NUDCD1: variants seen among roughly 807,000 people sequenced by gnomAD.
NUDCD1 encodes NudC domain containing 1.
Under a neutral mutation model 67.8 loss-of-function variants are expected in NUDCD1, and 60 were observed. That is an observed-to-expected ratio of 0.88 (90% confidence interval 0.72 to 1.10). The LOEUF (loss-of-function observed/expected upper bound fraction) is 1.10. NUDCD1 is among the 50% of genes least tolerant of loss of function. NUDCD1 has a pLI of 0.00. For synonymous variants in NUDCD1, 244 were observed against 230.8 expected (o/e 1.06, Z -0.52); for missense variants, 643 against 695.0 (o/e 0.93, Z 0.84).
chr8:109,280,890 G>T (rs749745480), intron 6 of NUDCD1, 78 bp downstream of exon 6: 23 of 650,214 alleles, frequency 3.5e-5, no homozygotes, highest in Non-Finnish European at 5.0e-5. Context: ...ATTAATCTCT[G>T]ATGTAACCAC....
At position 109,322,333 on chromosome 8, in the gene NUDCD1, T is replaced by A; in HGVS notation, c.249A>T (p.Arg83Ser). The change falls in exon 2 of 10, where the codon AGA becomes AGT. Residue 83 changes from arginine to serine, a missense_variant. Coordinates refer to ENST00000239690, the MANE Select transcript of NUDCD1 (RefSeq NM_032869.4). ...CCAGCATTACTGTTAAATTCATAAT[T>A]CTTCCAAGGGTATCAATATAGTAGA... ...DSVYYIDTLG[R>S]IMNLTVMLDT... is the part of the protein sequence containing the mutation. The A allele has an allele frequency of 6.5e-7, 1 of 1,548,432 alleles. No homozygotes were observed. The highest frequency in any genetic ancestry group is 1.2e-5 in the South Asian group (1 of 86,588).
chr8:109,303,311 T>C (rs916599522), intron 2 of NUDCD1, among the ~76,000 whole-genome samples: 9 of 152,172 alleles, frequency 5.9e-5, no homozygotes, highest in Admixed American at 5.2e-4. Context: ...CTTGGAAGCC[T>C]ACAGGACCAT....
chr8:109,268,694 T>C (rs1169579501), intron 8 of NUDCD1, among the ~76,000 whole-genome samples: 2 of 152,156 alleles, frequency 1.3e-5, no homozygotes, highest in Non-Finnish European at 2.9e-5. Context: ...CACCTAAAAC[T>C]ATAACGTTAA....
At chr8:109,286,157 T>C (rs1411192931) in intron 5 of NUDCD1, among the ~76,000 whole-genome samples, 2 of 151,984 alleles carry the variant, frequency 1.3e-5, no homozygotes, top group African/African-American at 2.4e-5. Flanking sequence ...AAATAACAGA[T>C]GACAGACAAC....
chr8:109,291,681 A>C (rs902068787), intron 4 of NUDCD1, among the ~76,000 whole-genome samples: 1 of 152,206 alleles, frequency 6.6e-6, no homozygotes, highest in Non-Finnish European at 1.5e-5. Flanking sequence ...AGATAAAGGG[A>C]ACAATAAAGA....
Position 109,296,321 on chromosome 8 carries a change from A to G in NUDCD1, c.459+63T>C, listed in dbSNP as rs543945813. 1,002 of 1,282,378 alleles carry G rather than the reference A, an allele frequency of 7.8e-4. 1 individual carries two copies. The highest frequency in any genetic ancestry group is 9.7e-4 in the Non-Finnish European group (870 of 894,064). The allele number at this position is 1,282,378 out of a possible 1,614,324, so 79.4% of individuals were successfully genotyped here. ...CATCCTTGAAAAGTGTCATTTTAAA[A>G]TAAGTAGGGTGTAATTTACATATAC... On this transcript the variant is annotated intron_variant, in intron 3 of 9. Coordinates refer to ENST00000239690, the MANE Select transcript of NUDCD1 (RefSeq NM_032869.4).
At chr8:109,322,167 A>C in intron 2 of NUDCD1, 142 bp downstream of exon 2, 1 of 443,276 alleles carries the variant, frequency 2.3e-6, no homozygotes, top group Non-Finnish European at 4.1e-6. Context: ...TAAGAAATGG[A>C]GTATTACGTA....
At chr8:109,276,319 T>G (rs1586270576) in intron 6 of NUDCD1, among the ~76,000 whole-genome samples, 1 of 152,156 alleles carries the variant, frequency 6.6e-6, no homozygotes, top group African/African-American at 2.4e-5. Context: ...TAAGATGCTT[T>G]GGGAGCACCC....
chr8:109,256,978 A>G (rs1246976549), intron 8 of NUDCD1, among the ~76,000 whole-genome samples: 4 of 150,000 alleles, frequency 2.7e-5, no homozygotes, highest in Admixed American at 6.7e-5. Context: ...CATGATAAAG[A>G]AAAAAAAAAC....
chr8:109,296,048 T>C (rs1249519925), intron 3 of NUDCD1, among the ~76,000 whole-genome samples: 1 of 151,980 alleles, frequency 6.6e-6, no homozygotes, highest in African/African-American at 2.4e-5. Context: ...GAGGAGAAAA[T>C]CATCCTAACA....
chr8:109,299,629 G>A (rs1008738242), intron 2 of NUDCD1, among the ~76,000 whole-genome samples: 11 of 152,018 alleles, frequency 7.2e-5, no homozygotes, highest in Admixed American at 3.9e-4. Flanking sequence ...GCTCAGACAC[G>A]CCTAGCCCTG....
Position 109,243,181 on chromosome 8 carries a change from G to A in NUDCD1, c.1580C>T (p.Ser527Phe). ...TTCCTTTCTGTTGTAAAGTACAGTG[G>A]ACATGGGAGCAGGCTGACGATAGAT... ...VFIYRQPAPM[S>F]TVLYNRKEGR... The change falls in exon 10 of 10, where the codon TCC (serine) becomes TTC (phenylalanine). Residue 527 changes from serine (S) to phenylalanine (F), a missense_variant. Coordinates refer to ENST00000239690, the MANE Select transcript of NUDCD1 (RefSeq NM_032869.4). 6.2e-7 allele frequency: 1 copy of A among 1,613,822 alleles called. No individual in the cohort carries two copies. Among genetic ancestry groups the A allele is most frequent in the Non-Finnish European group, 8.5e-7 (1 of 1,179,816 alleles).
At position 109,333,929 on chromosome 8, in the gene NUDCD1, C is replaced by T. The variant is rs765376966; in HGVS notation, c.82G>A (p.Glu28Lys). 1.5e-5 allele frequency: 25 copies of T among 1,614,062 alleles called. No individual in the cohort carries two copies. The Admixed American group carries it at 3.8e-4, about 25-fold the overall frequency. ...TCCAGCTGGTAACAAGGCAGCGGCT[C>T]AAGAGAGAGCTTGTAACCCTCGAAG... is the stretch of plus-strand genomic sequence containing the variant. ...PRFEGYKLSL[E>K]PLPCYQLELD... Residue 28 changes from glutamate to lysine, a missense_variant, in exon 1 of 10, where the codon GAG (glutamate) becomes AAG (lysine). Coordinates refer to ENST00000239690, the MANE Select transcript of NUDCD1 (RefSeq NM_032869.4).
chr8:109,313,180 T>C (rs1234507240), intron 2 of NUDCD1, among the ~76,000 whole-genome samples: 1 of 152,156 alleles, frequency 6.6e-6, no homozygotes, highest in African/African-American at 2.4e-5. Flanking sequence ...TCTCCCTTAC[T>C]GCAAAAGTAA....
chr8:109,308,710 G>A (rs1423138924), intron 2 of NUDCD1, among the ~76,000 whole-genome samples: 2 of 151,922 alleles, frequency 1.3e-5, no homozygotes, highest in Non-Finnish European at 2.9e-5. Context: ...GGTGGCTCAC[G>A]CCTGTAATCC....
chr8:109,301,206 C>A (rs1440695718), intron 2 of NUDCD1, among the ~76,000 whole-genome samples: 1 of 152,202 alleles, frequency 6.6e-6, no homozygotes, highest in East Asian at 1.9e-4. Context: ...CATTCCACCA[C>A]TGTGATTTGT....
At chr8:109,266,646 C>T (rs1814008932) in intron 8 of NUDCD1, among the ~76,000 whole-genome samples, 1 of 152,060 alleles carries the variant, frequency 6.6e-6, no homozygotes, top group Non-Finnish European at 1.5e-5. Flanking sequence ...ATTTCAATTG[C>T]TCAATAGTCA....
chr8:109,330,056 G>A (rs1586317604), intron 1 of NUDCD1: 2 of 446,214 alleles, frequency 4.5e-6, no homozygotes, highest in East Asian at 3.8e-5. Context: ...TTAGCTAGGT[G>A]AAATATAGCT....
Position 109,243,319 on chromosome 8 carries a change from CA to C in NUDCD1, c.1460-19del, listed in dbSNP as rs774815808. 6.6e-7 allele frequency: 1 copy of C among 1,525,528 alleles called. No homozygotes were observed. Among genetic ancestry groups the C allele is most frequent in the East Asian group, 2.3e-5 (1 of 43,482 alleles). 94.5% of individuals were successfully genotyped at this position (1,525,528 alleles called of 1,614,324 possible). ...GACATAGCCTGCCAAGAATATGAGA[CA>C]AACAAAAGAAAAACTATATATTAAA... On this transcript the variant is annotated intron_variant, in intron 9 of 9. Coordinates refer to ENST00000239690, the MANE Select transcript of NUDCD1 (RefSeq NM_032869.4).
Sources: gnomAD v4.1 joint callset for allele counts (sites outside exome capture counted in the v4.1 genomes callset) on GRCh38, gnomAD v4.1.1 for gene constraint, MANE v1.5 for transcripts, NCBI Gene and HGNC (gene_info 2026-07-23, HGNC 2026-07-21) for gene names.